The following BATF variants were observed in gnomAD, a reference collection of about 807,000 sequenced individuals.
The protein encoded by BATF is basic leucine zipper transcriptional factor ATF-like.
Under a neutral mutation model 13.7 loss-of-function variants are expected in BATF, and 5 were observed. That is an observed-to-expected ratio of 0.36 (90% CI 0.19 to 0.77). The LOEUF is 0.77. Ranked by LOEUF, BATF falls within the 30% of genes least tolerant of loss-of-function variation. The pLI, the probability that BATF is intolerant of heterozygous loss-of-function variation, is 0.51. For synonymous variants in BATF, 72 were observed against 67.5 expected, an observed-to-expected ratio of 1.07 and a Z score of -0.33; for missense variants, 124 against 163.0, an observed-to-expected ratio of 0.76 and a Z score of 1.30.
chr14:75,546,948 C>A lies in BATF; in HGVS notation c.*277C>A. On this transcript the variant is annotated 3_prime_UTR_variant, in exon 3 of 3. Transcript: ENST00000286639. Reference sequence around the variant, plus strand: ...TCAAGTCCCATGGCACAGAGCAAGGCGGGCAGGGAACGGTTATTTTTCTAA... The same window carrying A: ...TCAAGTCCCATGGCACAGAGCAAGGAGGGCAGGGAACGGTTATTTTTCTAA... 1 of 703,368 alleles carries A rather than the reference C, an allele frequency of 1.4e-6. No homozygotes were observed. The allele number at this position is 703,368 out of a possible 1,614,324, so 43.6% of individuals were successfully genotyped here. A position where few individuals can be genotyped will look rare whatever the true frequency, so the allele number is the denominator to read the frequency against.
At chr14:75,543,809 A>G (rs1887939203) in intron 2 of BATF, among the ~76,000 whole-genome samples, 1 of 151,316 alleles carries the variant, frequency 6.6e-6, no homozygotes, top group South Asian at 2.1e-4. Flanking sequence ...CCAGCCTGGG[A>G]GACAGAGCAA....
intron 2 of BATF, among the ~76,000 whole-genome samples, chr14:75,545,249 T>A (rs909869028): frequency 1.3e-5 from 2 of 151,964 alleles, no homozygotes; most frequent in African/African-American, 4.8e-5. Context: ...TGAGATGGAG[T>A]CTTGCTTTGT....
chr14:75,536,947 A>T (rs1229289305), intron 2 of BATF, among the ~76,000 whole-genome samples: 2 of 149,264 alleles, frequency 1.3e-5, no homozygotes, highest in Non-Finnish European at 3.0e-5. Context: ...CAATATTGTC[A>T]TTTTTTTTTT....
At position 75,546,756 on chromosome 14, in the gene BATF, A is replaced by C. The variant is rs1033506019; in HGVS notation, c.*85A>C. 8.5e-6 allele frequency: 12 copies of C among 1,419,654 alleles called. No homozygotes were observed. The Admixed American group carries it at 2.6e-4, about 31-fold the overall frequency. The allele number at this position is 1,419,654 out of a possible 1,614,324, so 87.9% of individuals were successfully genotyped here. ...GCCCATCCCGCAGAGGCCCCTGTCC[A>C]CCTGGAGACCCGGAGACAGAGGCCT... On this transcript the variant is annotated 3_prime_UTR_variant, in exon 3 of 3. Transcript: ENST00000286639.
chr14:75,546,875 AC>A lies in BATF; in HGVS notation c.*206del. ...TTTCGAGGGGCGTGTGCTGGACCCC[AC>A]CACTGTGGGTTGCAGGCCCAATGCA... On this transcript the variant is annotated 3_prime_UTR_variant, in exon 3 of 3. Transcript: ENST00000286639. 1 of 759,512 alleles carries A rather than the reference AC, an allele frequency of 1.3e-6. No individual in the cohort carries two copies. The highest frequency in any genetic ancestry group is 2.3e-6 in the Non-Finnish European group (1 of 437,278). The allele number at this position is 759,512 out of a possible 1,614,324, so 47.0% of individuals were successfully genotyped here.
chr14:75,541,463 G>A (rs572904932), intron 2 of BATF, among the ~76,000 whole-genome samples: 4 of 152,224 alleles, frequency 2.6e-5, no homozygotes, highest in Admixed American at 6.5e-5. Flanking sequence ...GTCTGGCCTC[G>A]AGTCAGCCCT....
At chr14:75,534,902 T>C (rs1000532090) in intron 2 of BATF, among the ~76,000 whole-genome samples, 15 of 152,202 alleles carry the variant, frequency 9.9e-5, no homozygotes, top group African/African-American at 3.6e-4. Context: ...TGCATCACGA[T>C]GTTCATCTCA....
rs773545186 is a variant in BATF, at chr14:75,546,454, C to T, written c.169-8C>T. On this transcript the variant is annotated splice_polypyrimidine_tract_variant and splice_region_variant and intron_variant, in intron 2 of 2. Coordinates refer to ENST00000286639, the MANE Select transcript of BATF (RefSeq NM_006399.5). ...ACTAACCTCCGGTGCTGATCCCCAC[C>T]CCTACAGGAGAGCGAAGACCTGGAG... 6.2e-7 allele frequency: 1 copy of T among 1,614,066 alleles called. No individual in the cohort carries two copies. The highest frequency in any genetic ancestry group is 8.5e-7 in the Non-Finnish European group (1 of 1,179,962).
intron 2 of BATF, among the ~76,000 whole-genome samples, chr14:75,546,238 T>C (rs6574244): frequency 0.045 from 6,790 of 152,288 alleles, 476 homozygotes; most frequent in African/African-American, 0.15. Context: ...TCTATGTGTA[T>C]ACATGCACAC....
chr14:75,544,296 G>A (rs1887948032), intron 2 of BATF, among the ~76,000 whole-genome samples: 3 of 152,052 alleles, frequency 2.0e-5, no homozygotes, highest in African/African-American at 7.2e-5. Flanking sequence ...CAGGCATGGT[G>A]GCTCACGCCT....
intron 2 of BATF, among the ~76,000 whole-genome samples, chr14:75,544,959 A>G (rs1176699706): frequency 6.6e-6 from 1 of 152,186 alleles, no homozygotes; most frequent in Non-Finnish European, 1.5e-5. Flanking sequence ...TTGCTTTTCC[A>G]TAATTGCTAA....
chr14:75,527,592 G>A (rs1044000078), intron 2 of BATF, among the ~76,000 whole-genome samples: 1 of 152,152 alleles, frequency 6.6e-6, no homozygotes, highest in African/African-American at 2.4e-5. Flanking sequence ...AAGGCTTTCA[G>A]CACTGAATCA....
intron 2 of BATF, among the ~76,000 whole-genome samples, chr14:75,528,228 G>A (rs971115622): frequency 6.6e-6 from 1 of 152,210 alleles, no homozygotes. Context: ...GGGAGCTACT[G>A]AGAGTACCAT....
At chr14:75,541,675 G>GTTTT (rs1485837753) in intron 2 of BATF, among the ~76,000 whole-genome samples, 2 of 152,154 alleles carry the variant, frequency 1.3e-5, no homozygotes, top group Admixed American at 1.3e-4. Context: ...GTTTTGTTTT[G>GTTTT]TTTTTTGAGA....
At position 75,533,297 on chromosome 14, in the gene BATF, G is replaced by A. The variant is rs550752397; in HGVS notation, c.168+8109G>A. 7.2e-5 allele frequency among the ~76,000 whole-genome samples: 11 copies of A among 152,076 alleles called. No individual in the cohort carries two copies. The South Asian group carries it at 1.2e-3, about 17-fold the overall frequency. On this transcript the variant is annotated intron_variant, in intron 2 of 2. Coordinates refer to ENST00000286639, the MANE Select transcript of BATF (RefSeq NM_006399.5). ...CAAAAAATTAGCCAGGCGTGGTGGC[G>A]GGCGCCTGTAGTCCCAGCTACTCGG...
At chr14:75,537,436 A>T (rs1887835609) in intron 2 of BATF, among the ~76,000 whole-genome samples, 2 of 152,184 alleles carry the variant, frequency 1.3e-5, no homozygotes, top group South Asian at 4.1e-4. Flanking sequence ...ATTATTCCAG[A>T]TTATAAGTTG....
chr14:75,535,293 C>T (rs1887801124), intron 2 of BATF, among the ~76,000 whole-genome samples: 1 of 152,018 alleles, frequency 6.6e-6, no homozygotes. Flanking sequence ...GTAGCTTGCA[C>T]CCAGCTACTT....
chr14:75,524,705 C>T (rs532543250), intron 1 of BATF, among the ~76,000 whole-genome samples: 1 of 151,952 alleles, frequency 6.6e-6, no homozygotes, highest in East Asian at 1.9e-4. Flanking sequence ...GCTAAAAGAA[C>T]AGCAAGAAGA....
chr14:75,546,005 C>T (rs1887979528), intron 2 of BATF, among the ~76,000 whole-genome samples: 2 of 152,020 alleles, frequency 1.3e-5, no homozygotes, highest in African/African-American at 4.8e-5. Context: ...ACTACAGGCG[C>T]ACTGCCACAC....
Sources: allele counts gnomAD v4.1 joint callset (sites outside exome capture counted in the v4.1 genomes callset), GRCh38; gene constraint gnomAD v4.1.1; transcripts MANE v1.5; gene names NCBI Gene and HGNC (gene_info 2026-07-23, HGNC 2026-07-21).